The following A1CF variants were observed in gnomAD, a reference collection of about 807,000 sequenced individuals.
The protein encoded by A1CF is APOBEC1 complementation factor.
A1CF carries 48 observed loss-of-function variants against 68.9 expected under a neutral mutation model. That is an observed-to-expected ratio of 0.70 (90% CI 0.55 to 0.89). A1CF has a LOEUF of 0.89. A1CF is among the 40% of genes least tolerant of loss of function. A1CF has a pLI of 0.00. For synonymous variants in A1CF, 272 were observed against 260.4 expected (o/e 1.04, Z -0.43); for missense variants, 653 against 718.9 (o/e 0.91, Z 1.05).
intron 3 of A1CF, among the ~76,000 whole-genome samples, chr10:50,859,401 G>A (rs1297857918): frequency 6.6e-6 from 1 of 152,148 alleles, no homozygotes; most frequent in African/African-American, 2.4e-5. Context: ...TGTTCTGAGA[G>A]AACAAACTGC....
At chr10:50,814,522 T>C (rs1023541556) in intron 9 of A1CF, among the ~76,000 whole-genome samples, 1 of 152,236 alleles carries the variant, frequency 6.6e-6, no homozygotes, top group African/African-American at 2.4e-5. Flanking sequence ...CCACTTCCAA[T>C]GACTTATTGT....
At chr10:50,836,374 A>G in intron 5 of A1CF, 62 bp from the exon 6 acceptor site, 1 of 1,538,224 alleles carries the variant, frequency 6.5e-7, no homozygotes, top group Admixed American at 1.9e-5. Flanking sequence ...TTGAAAATGT[A>G]TGGCTGTGGG....
At chr10:50,882,263 C>A (rs1841814898) in intron 1 of A1CF, among the ~76,000 whole-genome samples, 1 of 151,856 alleles carries the variant, frequency 6.6e-6, no homozygotes, top group African/African-American at 2.4e-5. Context: ...TAATGAAACC[C>A]CGTCTCTACT....
chr10:50,872,820 G>C (rs1412786670), intron 1 of A1CF, among the ~76,000 whole-genome samples: 1 of 152,020 alleles, frequency 6.6e-6, no homozygotes, highest in East Asian at 1.9e-4. Flanking sequence ...CTGCTATGCA[G>C]AGTCATATCT....
chr10:50,840,055 T>C (rs1221649278), intron 5 of A1CF, among the ~76,000 whole-genome samples: 1 of 152,204 alleles, frequency 6.6e-6, no homozygotes, highest in Non-Finnish European at 1.5e-5. Flanking sequence ...GAATTTTTAA[T>C]AAAATAAGCC....
intron 1 of A1CF, among the ~76,000 whole-genome samples, chr10:50,864,690 C>T (rs112215925): frequency 4.5e-4 from 68 of 152,234 alleles, no homozygotes; most frequent in African/African-American, 1.6e-3. Flanking sequence ...ATGATCTCAG[C>T]TCACCGCAAC....
At chr10:50,832,548 T>C (rs1042462132) in intron 6 of A1CF, among the ~76,000 whole-genome samples, 3 of 152,190 alleles carry the variant, frequency 2.0e-5, no homozygotes, top group Non-Finnish European at 4.4e-5. Context: ...TGGGAAGCAG[T>C]GATTTCCACC....
rs957755450 is a variant in A1CF, at chr10:50,803,314, G to A, written c.*3415C>T. 2.0e-5 allele frequency: 3 copies of A among 151,400 alleles called. No homozygotes were observed. The highest frequency in any genetic ancestry group is 7.3e-5 in the African/African-American group (3 of 40,952). 9.4% of individuals were successfully genotyped at this position (151,400 alleles called of 1,614,324 possible). A position where few individuals can be genotyped will look rare whatever the true frequency, so the allele number is the denominator to read the frequency against. On this transcript the variant is annotated 3_prime_UTR_variant, in exon 13 of 13. Transcript: ENST00000373997. ...GGCGGAGTCTCTCCATGTTGCCCAG[G>A]CTGGTCTTGAACTCCTGGCCTCCAG... is the stretch of plus-strand genomic sequence containing the variant.
At chr10:50,828,327 A>T (rs1329809658) in intron 6 of A1CF, 32 bp from the exon 7 acceptor site, 4 of 1,478,916 alleles carry the variant, frequency 2.7e-6, no homozygotes, top group Non-Finnish European at 2.7e-6. Flanking sequence ...ATGATTAATT[A>T]TGTAGGAATC....
At chr10:50,811,268 T>A (rs1283343500) in intron 10 of A1CF, 92 bp from the exon 11 acceptor site, 4 of 1,301,956 alleles carry the variant, frequency 3.1e-6, no homozygotes, top group Non-Finnish European at 4.2e-6. Flanking sequence ...TTTTCAGAGT[T>A]CAAGCTAGTA....
intron 4 of A1CF, among the ~76,000 whole-genome samples, 191 bp from the exon 5 acceptor site, chr10:50,842,183 A>C (rs1001831968): frequency 6.6e-6 from 1 of 152,236 alleles, no homozygotes; most frequent in African/African-American, 2.4e-5. Context: ...CAGATCAGTT[A>C]TCTGATTCAT....
chr10:50,840,493 C>G (rs933356235), intron 5 of A1CF, among the ~76,000 whole-genome samples: 1 of 152,286 alleles, frequency 6.6e-6, no homozygotes, highest in African/African-American at 2.4e-5. Flanking sequence ...ACTAATCTTC[C>G]TCTCACGTGG....
chr10:50,844,132 C>T lies in A1CF; in HGVS notation c.100-10G>A. On this transcript the variant is annotated splice_polypyrimidine_tract_variant and intron_variant, in intron 3 of 12. Transcript: ENST00000373997. ...TTCTTTGTCCATTTTCCTGCAAATC[C>T]AGGGCAGGTGTGAAGGAGAGGAGAA... The T allele has an allele frequency of 6.2e-7, 1 of 1,611,034 alleles. No individual in the cohort carries two copies. Among genetic ancestry groups the T allele is most frequent in the Non-Finnish European group, 8.5e-7 (1 of 1,179,176 alleles).
At chr10:50,819,354 C>A (rs1399075510) in intron 8 of A1CF, among the ~76,000 whole-genome samples, 2 of 152,114 alleles carry the variant, frequency 1.3e-5, no homozygotes, top group African/African-American at 4.8e-5. Context: ...CACTCCTGGG[C>A]TCAAGCAATC....
intron 1 of A1CF, among the ~76,000 whole-genome samples, chr10:50,867,146 G>A (rs1488726875): frequency 6.6e-6 from 1 of 151,774 alleles, no homozygotes; most frequent in Non-Finnish European, 1.5e-5. Context: ...AACAGAACTA[G>A]AAATCGTAGT....
intron 7 of A1CF, 33 bp from the exon 8 acceptor site, chr10:50,820,682 A>G: frequency 6.4e-7 from 1 of 1,574,198 alleles, no homozygotes; most frequent in Non-Finnish European, 8.7e-7. Context: ...CCCCATTAAC[A>G]AAATTAAGAG....
At chr10:50,841,242 A>G (rs1839760239) in intron 5 of A1CF, among the ~76,000 whole-genome samples, 2 of 152,186 alleles carry the variant, frequency 1.3e-5, no homozygotes, top group Admixed American at 6.5e-5. Context: ...CAGCTCTCCA[A>G]CTGTATTGCT....
intron 7 of A1CF, among the ~76,000 whole-genome samples, chr10:50,827,800 A>C: frequency 6.6e-6 from 1 of 152,226 alleles, no homozygotes; most frequent in East Asian, 1.9e-4. Flanking sequence ...AGCAGAACTG[A>C]ATGAGATAGA....
At chr10:50,810,726 G>T (rs1251593857) in intron 11 of A1CF, among the ~76,000 whole-genome samples, 3 of 152,106 alleles carry the variant, frequency 2.0e-5, no homozygotes, top group Admixed American at 6.6e-5. Flanking sequence ...TGGCCAGGTT[G>T]GTCTCAAACT....
Sources: allele counts gnomAD v4.1 joint callset (sites outside exome capture counted in the v4.1 genomes callset), GRCh38; gene constraint gnomAD v4.1.1; transcripts MANE v1.5; gene names NCBI Gene and HGNC (gene_info 2026-07-23, HGNC 2026-07-21).